Variants in WDR48 observed in about 807,000 individuals in gnomAD.
The protein encoded by WDR48 is WD repeat-containing protein 48.
WDR48 carries 22 observed loss-of-function variants against 94.0 expected under a neutral mutation model. The observed-to-expected ratio is 0.23, with a 90% CI of 0.17 to 0.33. The LOEUF (loss-of-function observed/expected upper bound fraction) is 0.33, where lower values mean the gene tolerates loss of function less well. Among genes scored for constraint, WDR48 ranks in the 10% least tolerant of loss-of-function variants. The pLI is 1.00. For missense variants in WDR48, 541 were observed against 813.8 expected, an observed-to-expected ratio of 0.66 and a Z score of 4.08; for synonymous variants, 278 against 280.5, an observed-to-expected ratio of 0.99 and a Z score of 0.09.
rs2125690490 is a variant in WDR48, at chr3:39,095,081, T to G, written c.*338T>G. On this transcript the variant is annotated 3_prime_UTR_variant, in exon 19 of 19. Coordinates refer to ENST00000302313, the MANE Select transcript of WDR48 (RefSeq NM_020839.4). ...GACCTTATCTACCCATTAACACTTGTTAGAGACACCTCAGTCGGGCCACAA... is the reference window on the plus strand; with the variant it reads ...GACCTTATCTACCCATTAACACTTGGTAGAGACACCTCAGTCGGGCCACAA... 1 of 289,154 alleles carries G rather than the reference T, an allele frequency of 3.5e-6. No homozygotes were observed. The highest frequency in any genetic ancestry group is 6.6e-5 in the East Asian group (1 of 15,132). 17.9% of individuals were successfully genotyped at this position (289,154 alleles called of 1,614,324 possible). A position where few individuals can be genotyped will look rare whatever the true frequency, so the allele number is the denominator to read the frequency against.
At chr3:39,069,568 C>T in intron 6 of WDR48, 75 bp from the exon 7 acceptor site, 1 of 1,270,580 alleles carries the variant, frequency 7.9e-7, no homozygotes, top group Non-Finnish European at 1.1e-6. Context: ...TATCATTTGA[C>T]TTATGAGAGT....
At chr3:39,056,319 G>C (rs945797655) in intron 1 of WDR48, among the ~76,000 whole-genome samples, 3 of 152,196 alleles carry the variant, frequency 2.0e-5, no homozygotes, top group Non-Finnish European at 4.4e-5. Flanking sequence ...TAAAAGATGA[G>C]GGATCAGTTT....
chr3:39,068,896 A>G, intron 6 of WDR48, 37 bp downstream of exon 6: 1 of 1,434,610 alleles, frequency 7.0e-7, no homozygotes, highest in Non-Finnish European at 9.5e-7. Context: ...AAAAAAAAAA[A>G]TTATTTTTCA....
At chr3:39,078,852 A>T (rs1374419606) in intron 10 of WDR48, among the ~76,000 whole-genome samples, 1 of 151,628 alleles carries the variant, frequency 6.6e-6, no homozygotes, top group East Asian at 2.0e-4. Flanking sequence ...AAAACGGTGA[A>T]ACCCCGTCTC....
intron 10 of WDR48, among the ~76,000 whole-genome samples, chr3:39,078,910 G>A (rs2034379439): frequency 6.6e-6 from 1 of 150,914 alleles, no homozygotes; most frequent in South Asian, 2.1e-4. Context: ...GGCACCTGTA[G>A]TCCCAGCTAC....
intron 1 of WDR48, among the ~76,000 whole-genome samples, chr3:39,061,271 C>G (rs2033247244): frequency 6.6e-6 from 1 of 150,856 alleles, no homozygotes; most frequent in Non-Finnish European, 1.5e-5. Flanking sequence ...CCCAACATGC[C>G]CCAGTGTGTG....
chr3:39,060,627 G>A (rs1370052387), intron 1 of WDR48, among the ~76,000 whole-genome samples: 2 of 152,192 alleles, frequency 1.3e-5, no homozygotes, highest in African/African-American at 4.8e-5. Flanking sequence ...TTCTTGGCAT[G>A]TTGGAAGAGT....
chr3:39,071,481 A>G (rs917237723), intron 7 of WDR48, among the ~76,000 whole-genome samples: 1 of 152,184 alleles, frequency 6.6e-6, no homozygotes, highest in Non-Finnish European at 1.5e-5. Context: ...GAAGGGGGCT[A>G]TGGGCCTGGC....
intron 7 of WDR48, among the ~76,000 whole-genome samples, chr3:39,073,735 T>TAA (rs2034062533): frequency 6.6e-6 from 1 of 152,228 alleles, no homozygotes; most frequent in Non-Finnish European, 1.5e-5. Context: ...TTGACTCTCT[T>TAA]GAGCCATCAG....
chr3:39,064,244 C>G (rs1308949401), intron 2 of WDR48, among the ~76,000 whole-genome samples: 1 of 151,476 alleles, frequency 6.6e-6, no homozygotes, highest in East Asian at 1.9e-4. Context: ...CAGTGTCCCT[C>G]AAGGTACCTA....
At position 39,095,877 on chromosome 3, in the gene WDR48, GT is replaced by G. The variant is rs990603049; in HGVS notation, c.*1135del. On this transcript the variant is annotated 3_prime_UTR_variant, in exon 19 of 19. Coordinates refer to ENST00000302313, the MANE Select transcript of WDR48 (RefSeq NM_020839.4). ...GAAAATACTTTGGATTCTCCCCAAG[GT>G]CATTTGTATTCAGAGTAAATCAGTG... The G allele has an allele frequency of 6.6e-6, 1 of 152,564 alleles. No individual in the cohort carries two copies. Among genetic ancestry groups the G allele is most frequent in the East Asian group, 1.9e-4 (1 of 5,192 alleles). 9.5% of individuals were successfully genotyped at this position (152,564 alleles called of 1,614,324 possible). A position where few individuals can be genotyped will look rare whatever the true frequency, so the allele number is the denominator to read the frequency against.
At chr3:39,087,245 A>G (rs977471433) in intron 14 of WDR48, among the ~76,000 whole-genome samples, 3 of 152,300 alleles carry the variant, frequency 2.0e-5, no homozygotes, top group Admixed American at 6.5e-5. Flanking sequence ...AAGTTTATGA[A>G]GAAAGCAGAA....
chr3:39,083,171 A>G (rs1380367679), intron 11 of WDR48, among the ~76,000 whole-genome samples: 1 of 152,150 alleles, frequency 6.6e-6, no homozygotes, highest in East Asian at 1.9e-4. Context: ...AGCCAGGTAG[A>G]GTGAGTTGAG....
intron 17 of WDR48, among the ~76,000 whole-genome samples, chr3:39,092,876 T>TACACACACACAC (rs3033301): frequency 0.043 from 6,243 of 145,990 alleles, 216 homozygotes; most frequent in African/African-American, 0.096. Context: ...CATCTCTGTC[T>TACACACACACAC]ACACACACAC....
intron 15 of WDR48, among the ~76,000 whole-genome samples, chr3:39,088,802 G>C (rs1419341307): frequency 1.3e-5 from 2 of 152,262 alleles, no homozygotes; most frequent in African/African-American, 4.8e-5. Flanking sequence ...CCAGAAGAAA[G>C]AAAGAATAAG....
chr3:39,063,156 C>CGA lies in WDR48; in HGVS notation c.155_156insGA (p.Ile54SerfsTer2). On this transcript the variant is annotated frameshift_variant, in exon 2 of 19. Transcript: ENST00000302313. LOFTEE classifies it high-confidence loss of function. Reference sequence around the variant, plus strand: ...AGACTTTTCACAGCCGGTCGAGACTCTATCATAAGAATATGGAGTGTCAAT... The same window carrying CGA: ...AGACTTTTCACAGCCGGTCGAGACTCGATATCATAAGAATATGGAGTGTCAAT... The CGA allele has an allele frequency of 6.2e-7, 1 of 1,614,126 alleles. No homozygotes were observed. Among genetic ancestry groups the CGA allele is most frequent in the Non-Finnish European group, 8.5e-7 (1 of 1,180,000 alleles).
Position 39,094,984 on chromosome 3 carries a change from T to C in WDR48, c.*241T>C, listed in dbSNP as rs2035270323. The stretch of plus-strand genomic sequence containing the variant: ...AAGAGCAGAAGAGCCCCAAGCAGAC[T>C]ATGTCTTTCAAGATGTACAGAAGAC... On this transcript the variant is annotated 3_prime_UTR_variant, in exon 19 of 19. Coordinates refer to ENST00000302313, the MANE Select transcript of WDR48 (RefSeq NM_020839.4). 1.8e-6 allele frequency: 1 copy of C among 551,004 alleles called. No homozygotes were observed. Among genetic ancestry groups the C allele is most frequent in the Non-Finnish European group, 3.2e-6 (1 of 314,872 alleles). The allele number at this position is 551,004 out of a possible 1,614,324, so 34.1% of individuals were successfully genotyped here.
At chr3:39,067,444 A>G (rs1038749091) in intron 5 of WDR48, among the ~76,000 whole-genome samples, 1 of 152,194 alleles carries the variant, frequency 6.6e-6, no homozygotes, top group African/African-American at 2.4e-5. Flanking sequence ...TCTAGAGGCA[A>G]TCCAGAGATG....
chr3:39,056,934 A>T (rs2032928877), intron 1 of WDR48, among the ~76,000 whole-genome samples: 1 of 152,146 alleles, frequency 6.6e-6, no homozygotes, highest in African/African-American at 2.4e-5. Flanking sequence ...GTCAGCCTAG[A>T]TTGTAATGAG....
Sources: allele counts gnomAD v4.1 joint callset (sites outside exome capture counted in the v4.1 genomes callset), GRCh38; gene constraint gnomAD v4.1.1; transcripts MANE v1.5; gene names NCBI Gene and HGNC (gene_info 2026-07-23, HGNC 2026-07-21).